NEB: variants seen among roughly 807,000 people sequenced by gnomAD.
The protein encoded by NEB is nemaline myopathy type 2.
In NEB, 512 loss-of-function variants were observed where a neutral mutation model predicts 952.2. That is an observed-to-expected ratio of 0.54 (90% CI 0.50 to 0.58). The LOEUF (loss-of-function observed/expected upper bound fraction) is 0.58, where lower values mean the gene tolerates loss of function less well. Among genes scored for constraint, NEB ranks in the 20% least tolerant of loss-of-function variants. The pLI, the probability that NEB is intolerant of heterozygous loss-of-function variation, is 0.00. For synonymous variants in NEB, 2,900 were observed against 3,149.8 expected, an observed-to-expected ratio of 0.92 and a Z score of 2.66; for missense variants, 8,428 against 9,231.1, an observed-to-expected ratio of 0.91 and a Z score of 3.56.
intron 58 of NEB, 128 bp downstream of exon 58, chr2:151,643,022 C>A: frequency 8.4e-7 from 1 of 1,196,982 alleles, no homozygotes; most frequent in East Asian, 2.4e-5. Flanking sequence ...ATAAGAAGCA[C>A]AATACTTTAA....
intron 107 of NEB, among the ~76,000 whole-genome samples, chr2:151,572,621 C>T (rs1053389721): frequency 8.1e-5 from 12 of 148,974 alleles, no homozygotes; most frequent in Non-Finnish European, 1.6e-4. Context: ...TCTCAGCTCA[C>T]TGCAACCTCT....
chr2:151,690,589 G>A (rs950614075), intron 24 of NEB, 138 bp downstream of exon 24: 23 of 704,560 alleles, frequency 3.3e-5, no homozygotes, highest in Admixed American at 2.6e-4. Context: ...CCTCATTTGT[G>A]TTTTATTAAA....
At chr2:151,705,989 G>A (rs2099704468) in intron 13 of NEB, among the ~76,000 whole-genome samples, 2 of 152,152 alleles carry the variant, frequency 1.3e-5, no homozygotes, top group Non-Finnish European at 2.9e-5. Context: ...TAGGTGATGG[G>A]TGCACCAAAA....
intron 145 of NEB, among the ~76,000 whole-genome samples, chr2:151,529,671 C>G (rs1024358969): frequency 9.2e-5 from 14 of 152,208 alleles, no homozygotes; most frequent in South Asian, 2.1e-4. Context: ...CCTGGGACCA[C>G]AGGCATGCGC....
At chr2:151,511,776 T>C (rs1340703486) in intron 161 of NEB, among the ~76,000 whole-genome samples, 1 of 152,172 alleles carries the variant, frequency 6.6e-6, no homozygotes, top group Non-Finnish European at 1.5e-5. Flanking sequence ...GAGTTATTCA[T>C]CATGAGGGGA....
At chr2:151,676,216 T>C (rs1289209308) in intron 34 of NEB, among the ~76,000 whole-genome samples, 3 of 152,230 alleles carry the variant, frequency 2.0e-5, no homozygotes, top group Non-Finnish European at 4.4e-5. Context: ...AATAATTTCT[T>C]CTAGGACCCA....
chr2:151,679,679 C>CCCA, intron 32 of NEB, 42 bp downstream of exon 32: 1 of 913,068 alleles, frequency 1.1e-6, no homozygotes, highest in Admixed American at 1.8e-5. Flanking sequence ...CCCACCCACC[C>CCCA]ACATTTTCTA....
chr2:151,563,181 A>T (rs1056254815), intron 119 of NEB, among the ~76,000 whole-genome samples: 2 of 151,620 alleles, frequency 1.3e-5, no homozygotes, highest in Non-Finnish European at 2.9e-5. Context: ...CGCCCAGCTA[A>T]TTTTTGTATT....
At chr2:151,612,843 T>C (rs953546650) in intron 77 of NEB, among the ~76,000 whole-genome samples, 7 of 152,222 alleles carry the variant, frequency 4.6e-5, no homozygotes, top group African/African-American at 9.6e-5. Flanking sequence ...ATGTGTTTTT[T>C]TGGGGATAAA....
chr2:151,708,795 C>T (rs6750147), intron 12 of NEB, among the ~76,000 whole-genome samples: 1 of 152,214 alleles, frequency 6.6e-6, no homozygotes, highest in Non-Finnish European at 1.5e-5. Flanking sequence ...CTTCCATAGT[C>T]TTCCCTGTCT....
chr2:151,722,191 A>T (rs2099776023), intron 9 of NEB, among the ~76,000 whole-genome samples: 2 of 152,188 alleles, frequency 1.3e-5, no homozygotes, highest in African/African-American at 4.8e-5. Flanking sequence ...ATGTCAAATA[A>T]CTTGTCGCTT....
chr2:151,573,087 T>C (rs760024407), intron 107 of NEB, among the ~76,000 whole-genome samples: 8 of 152,212 alleles, frequency 5.3e-5, no homozygotes, highest in Non-Finnish European at 1.2e-4. Context: ...ACAAATATTC[T>C]GCTAAAGTTG....
chr2:151,567,217 T>A lies in NEB; in HGVS notation c.18107A>T (p.Asp6036Val). The A allele has an allele frequency of 6.2e-7, 1 of 1,613,568 alleles. No individual in the cohort carries two copies. Residue 6036 changes from aspartate (D) to valine (V), a missense_variant, in exon 114 of 182, where the codon GAC (aspartate) becomes GTC (valine). Physicochemically the swap from Asp to Val is radical, Grantham distance 152 (BLOSUM62 -3). Around this residue, in one of 11 missense-constraint regions of NEB, gnomAD observed 3,374 missense variants for 3,651.5 expected, o/e 0.92. Coordinates refer to ENST00000397345, the MANE Select transcript of NEB (RefSeq NM_001164508.2). ...NYLHQWMCHP[D>V]QNDVIQARKA... ...TCTTGCCTGAATAACATCGTTCTGG[T>A]CAGGATGACACATCCATTGGTGCAA...
chr2:151,619,802 G>A (rs753936212), intron 72 of NEB, 40 bp from the exon 73 acceptor site: 2 of 1,561,130 alleles, frequency 1.3e-6, no homozygotes, highest in Non-Finnish European at 1.7e-6. Context: ...GAAGCACAAA[G>A]GGCTATTCCC....
At chr2:151,496,396 A>G in intron 172 of NEB, 28 bp from the exon 173 acceptor site, 1 of 1,583,490 alleles carries the variant, frequency 6.3e-7, no homozygotes, top group South Asian at 1.2e-5. Flanking sequence ...ATCCAGAAAA[A>G]CAACCATGAG....
intron 154 of NEB, 56 bp from the exon 155 acceptor site, chr2:151,519,125 A>G: frequency 8.9e-7 from 1 of 1,126,198 alleles, no homozygotes; most frequent in South Asian, 1.3e-5. Flanking sequence ...GAACAGCACT[A>G]ATGGAAATCA....
In NEB at chr2:151,627,529, C is replaced by G. The variant is rs1445563820; in HGVS notation, c.10137G>C (p.Gln3379His). 2.5e-6 allele frequency: 4 copies of G among 1,613,760 alleles called. No individual in the cohort carries two copies. The highest frequency in any genetic ancestry group is 3.4e-6 in the Non-Finnish European group (4 of 1,179,692). The change falls in exon 69 of 182, where the codon CAG becomes CAC. Residue 3379 changes from glutamine to histidine, a missense_variant. Around this residue, in one of 11 missense-constraint regions of NEB, gnomAD observed 1,772 missense variants for 1,960.3 expected, o/e 0.90. Coordinates refer to ENST00000397345, the MANE Select transcript of NEB (RefSeq NM_001164508.2). The part of the protein sequence containing the change: ...VIHARQAYDL[Q>H]SDNIYKSDLQ... ...ATGGATCTTAATTACTCACATCGCT[C>G]TGGAGGTCATAGGCCTGCCGAGCAT...
chr2:151,676,112 G>C (rs554049565), intron 34 of NEB, among the ~76,000 whole-genome samples: 2 of 152,126 alleles, frequency 1.3e-5, no homozygotes, highest in African/African-American at 2.4e-5. Flanking sequence ...TATTTCCAAG[G>C]CATGACTATA....
intron 63 of NEB, among the ~76,000 whole-genome samples, chr2:151,637,988 A>G (rs1190217162): frequency 6.6e-6 from 1 of 152,220 alleles, no homozygotes; most frequent in Non-Finnish European, 1.5e-5. Context: ...TGCTGGTGGC[A>G]CAAAGCCAGG....
Sources: gnomAD v4.1 joint callset for allele counts (sites outside exome capture counted in the v4.1 genomes callset) on GRCh38, gnomAD v4.1.1 for gene constraint, gnomAD v4.1.1 regional missense constraint, MANE v1.5 for transcripts, NCBI Gene and HGNC (gene_info 2026-07-23, HGNC 2026-07-21) for gene names.